GTF3C1: variants seen among roughly 807,000 people sequenced by gnomAD.
GTF3C1 encodes the protein general transcription factor 3C polypeptide 1.
In GTF3C1, 57 loss-of-function variants were observed where a neutral mutation model predicts 226.7. That is an observed-to-expected ratio of 0.25 (90% CI 0.20 to 0.31). The LOEUF is 0.31. Among genes scored for constraint, GTF3C1 ranks in the 10% least tolerant of loss-of-function variants. The pLI, the probability that GTF3C1 is intolerant of heterozygous loss-of-function variation, is 1.00. For synonymous variants in GTF3C1, 1,090 were observed against 1,084.8 expected (o/e 1.00, Z -0.09); for missense variants, 2,217 against 2,776.1 (o/e 0.80, Z 4.53).
chr16:27,462,320 G>A lies in GTF3C1; in HGVS notation c.6091C>T (p.Pro2031Ser), dbSNP rs1228818869. The A allele has an allele frequency of 6.4e-7, 1 of 1,559,722 alleles. No individual in the cohort carries two copies. Among genetic ancestry groups the A allele is most frequent in the Non-Finnish European group, 8.7e-7 (1 of 1,152,272 alleles). The change falls in exon 36 of 37, where the codon CCC becomes TCC. Residue 2031 changes from proline to serine, a missense_variant. Pro to Ser is a moderately conservative substitution (Grantham distance 74). Around this residue, in one of 12 missense-constraint regions of GTF3C1, gnomAD observed 153 missense variants for 199.8 expected, o/e 0.77. Coordinates refer to ENST00000356183, the MANE Select transcript of GTF3C1 (RefSeq NM_001520.4). This position sits in a 1 kb window ranked among gnomAD's most constrained non-coding sequence, Gnocchi z 4.5. The part of the protein sequence containing the change: ...LLRHYQGVLQ[P>S]VAVLELLQGL... ...TGGAGCAACTCCAGCACGGCGACGG[G>A]CTGCAGGACCCCCTGGTAGTGGCGC... is the stretch of plus-strand genomic sequence containing the variant.
rs1464345933 is a variant in GTF3C1 at position 27,469,974 on chromosome 16, C to G, written c.4814+134G>C. 3 of 745,532 alleles carry G rather than the reference C, an allele frequency of 4.0e-6. No individual in the cohort carries two copies. Among genetic ancestry groups the G allele is most frequent in the Non-Finnish European group, 4.5e-6 (2 of 440,364 alleles). 46.2% of individuals were successfully genotyped at this position (745,532 alleles called of 1,614,324 possible). ...AGCAGAGGACACCTTAGACACCGGC[C>G]TATAATCCCCAGTCACTCATCTGCA... On this transcript the variant is annotated intron_variant, in intron 31 of 36. Coordinates refer to ENST00000356183, the MANE Select transcript of GTF3C1 (RefSeq NM_001520.4). This position sits in a 1 kb window ranked among gnomAD's most constrained non-coding sequence, Gnocchi z 4.5.
chr16:27,494,422 A>AC (rs1037158736), intron 16 of GTF3C1, among the ~76,000 whole-genome samples: 2 of 150,432 alleles, frequency 1.3e-5, no homozygotes, highest in African/African-American at 4.9e-5. Context: ...ACAAAAAAAA[A>AC]AAACAAAAAA....
At position 27,461,597 on chromosome 16, in the gene GTF3C1, T is replaced by C. The variant is rs776650371; in HGVS notation, c.6118-35A>G. 13 of 1,426,588 alleles carry C rather than the reference T, an allele frequency of 9.1e-6. No homozygotes were observed. The highest frequency in any genetic ancestry group is 4.6e-5 in the South Asian group (4 of 87,384). The allele number at this position is 1,426,588 out of a possible 1,614,324, so 88.4% of individuals were successfully genotyped here. On this transcript the variant is annotated intron_variant, in intron 36 of 36. Transcript: ENST00000356183. The surrounding 1 kb of genome is among the most constrained non-coding windows in gnomAD (Gnocchi z 5.3). ...CCAGACACACAGGTTACAGCGGCAC[T>C]GCCCTCGCCTGCTTGTTGATTTATT...
intron 4 of GTF3C1, among the ~76,000 whole-genome samples, chr16:27,533,798 G>A (rs1387275392): frequency 1.3e-5 from 2 of 152,176 alleles, no homozygotes; most frequent in Non-Finnish European, 2.9e-5. Flanking sequence ...TGGAGGTCAG[G>A]AGTTCGAGGC....
chr16:27,501,320 C>G lies in GTF3C1; in HGVS notation c.1932G>C (p.Gln644His). Reference protein sequence around the residue: ...LFTIQKMIMDQEKQEGVSTKC... With the variant: ...LFTIQKMIMDHEKQEGVSTKC... ...TGGTGGACACGCCTTCCTGCTTCTC[C>G]TGATCCATGATCATCTTCTGAATCC... The change falls in exon 12 of 37, where the codon CAG (glutamine) becomes CAC (histidine). Residue 644 changes from glutamine to histidine, a missense_variant. Gln to His is a conservative substitution (Grantham distance 24). Coordinates refer to ENST00000356183, the MANE Select transcript of GTF3C1 (RefSeq NM_001520.4). The G allele has an allele frequency of 6.2e-7, 1 of 1,614,168 alleles. No individual in the cohort carries two copies. The highest frequency in any genetic ancestry group is 2.2e-5 in the East Asian group (1 of 44,890).
intron 4 of GTF3C1, among the ~76,000 whole-genome samples, chr16:27,537,089 G>A (rs762796209): frequency 7.2e-5 from 11 of 152,164 alleles, no homozygotes; most frequent in Non-Finnish European, 1.3e-4. Flanking sequence ...CATTGTTATC[G>A]CTTAGCAGAA....
intron 29 of GTF3C1, among the ~76,000 whole-genome samples, chr16:27,475,298 C>T (rs148517331): frequency 5.3e-5 from 8 of 152,290 alleles, no homozygotes; most frequent in African/African-American, 1.7e-4. Flanking sequence ...GACTGTGAGG[C>T]GCCCTAATGA....
In GTF3C1 at chr16:27,470,317, C is replaced by A. The variant is rs764913038; in HGVS notation, c.4605G>T (p.Lys1535Asn). ...AAGAGAAACGATCAGGCTGGTCCAA[C>A]TTGCCGGCAGCCCGCATTCTGTCCA... is the stretch of plus-strand genomic sequence containing the variant. ...QFLDRMRAAG[K>N]LDQPDRFSFK... Residue 1535 changes from lysine to asparagine, a missense_variant, in exon 31 of 37, where the codon AAG becomes AAT. Transcript: ENST00000356183. The surrounding 1 kb of genome is among the most constrained non-coding windows in gnomAD (Gnocchi z 4.9). 8.1e-6 allele frequency: 13 copies of A among 1,613,914 alleles called. No homozygotes were observed. The highest frequency in any genetic ancestry group is 1.1e-5 in the Non-Finnish European group (13 of 1,179,770).
In GTF3C1 at chr16:27,465,382, T is replaced by C; in HGVS notation, c.5233A>G (p.Ile1745Val). ...SPEDLTAALE[I>V]LEAIIATGCF... ...CCCGTGGCTATAATGGCTTCCAAGA[T>C]CTCCAAGGCAGCAGTCAGGTCTTCG... Residue 1745 changes from isoleucine to valine, a missense_variant, in exon 33 of 37, where the codon ATC becomes GTC. Ile to Val is a conservative substitution (Grantham distance 29, BLOSUM62 3). Around this residue, in one of 12 missense-constraint regions of GTF3C1, gnomAD observed 455 missense variants for 441.9 expected, o/e 1.03. Transcript: ENST00000356183. 2 of 1,614,006 alleles carry C rather than the reference T, an allele frequency of 1.2e-6. No individual in the cohort carries two copies. The highest frequency in any genetic ancestry group is 8.5e-7 in the Non-Finnish European group (1 of 1,179,950).
chr16:27,489,238 C>T lies in GTF3C1; in HGVS notation c.3294-60G>A. 1.3e-6 allele frequency: 2 copies of T among 1,581,716 alleles called. 1 individual carries two copies. The highest frequency in any genetic ancestry group is 3.4e-5 in the Admixed American group (2 of 58,996). The stretch of plus-strand genomic sequence containing the variant: ...CTTGGTCATCACCGAAAAAGAGAGC[C>T]CATGGCATGGGTTGAGGGACATTTA... On this transcript the variant is annotated intron_variant, in intron 20 of 36. Coordinates refer to ENST00000356183, the MANE Select transcript of GTF3C1 (RefSeq NM_001520.4).
chr16:27,507,204 C>A lies in GTF3C1; in HGVS notation c.1243-48G>T. ...ATCCCACTGCAAAGAGGGCGTCATA[C>A]CCACAGGGGTTCAGGTGGTCTGTGG... On this transcript the variant is annotated intron_variant, in intron 8 of 36. Coordinates refer to ENST00000356183, the MANE Select transcript of GTF3C1 (RefSeq NM_001520.4). This position sits in a 1 kb window ranked among gnomAD's most constrained non-coding sequence, Gnocchi z 4.9. 6 of 1,373,586 alleles carry A rather than the reference C, an allele frequency of 4.4e-6. No individual in the cohort carries two copies. Among genetic ancestry groups the A allele is most frequent in the Non-Finnish European group, 5.0e-6 (5 of 992,678 alleles). The allele number at this position is 1,373,586 out of a possible 1,614,324, so 85.1% of individuals were successfully genotyped here. A position where few individuals can be genotyped will look rare whatever the true frequency, so the allele number is the denominator to read the frequency against.
chr16:27,488,777 C>T (rs994789180), intron 21 of GTF3C1, 142 bp from the exon 22 acceptor site: 60 of 718,850 alleles, frequency 8.3e-5, no homozygotes, highest in East Asian at 5.3e-4. Context: ...TCCTGCCACC[C>T]GCTTTACCAT....
chr16:27,507,185 C>T lies in GTF3C1; in HGVS notation c.1243-29G>A. On this transcript the variant is annotated intron_variant, in intron 8 of 36. Coordinates refer to ENST00000356183, the MANE Select transcript of GTF3C1 (RefSeq NM_001520.4). This position sits in a 1 kb window ranked among gnomAD's most constrained non-coding sequence, Gnocchi z 4.9. ...GAGGGAATAAGATGTGTTTATCCCA[C>T]TGCAAAGAGGGCGTCATACCCACAG... The T allele has an allele frequency of 6.5e-7, 1 of 1,533,364 alleles. No individual in the cohort carries two copies. The highest frequency in any genetic ancestry group is 8.9e-7 in the Non-Finnish European group (1 of 1,124,808). 95.0% of individuals were successfully genotyped at this position (1,533,364 alleles called of 1,614,324 possible). A position where few individuals can be genotyped will look rare whatever the true frequency, so the allele number is the denominator to read the frequency against.
intron 27 of GTF3C1, among the ~76,000 whole-genome samples, chr16:27,479,971 C>T (rs968013810): frequency 2.6e-5 from 4 of 152,056 alleles, no homozygotes; most frequent in East Asian, 1.9e-4. Context: ...GAGGCTGAGA[C>T]GGGCAGATCA....
chr16:27,542,335 C>A (rs968492788), intron 2 of GTF3C1, among the ~76,000 whole-genome samples: 1 of 152,144 alleles, frequency 6.6e-6, no homozygotes, highest in Non-Finnish European at 1.5e-5. Context: ...CCAAGGTAGG[C>A]AGATCACCTG....
chr16:27,461,695 C>T lies in GTF3C1; in HGVS notation c.6118-133G>A. ...CAGAGCAGGGGGCACCTGAACTGGGCATGAGGCAGATGGGGATGTACCAGG... is the reference window on the plus strand; with the variant it reads ...CAGAGCAGGGGGCACCTGAACTGGGTATGAGGCAGATGGGGATGTACCAGG... On this transcript the variant is annotated intron_variant, in intron 36 of 36. Transcript: ENST00000356183. The surrounding 1 kb of genome is among the most constrained non-coding windows in gnomAD (Gnocchi z 5.3). 1 of 674,622 alleles carries T rather than the reference C, an allele frequency of 1.5e-6. No individual in the cohort carries two copies. Among genetic ancestry groups the T allele is most frequent in the Admixed American group, 2.4e-5 (1 of 42,120 alleles). 41.8% of individuals were successfully genotyped at this position (674,622 alleles called of 1,614,324 possible). A position where few individuals can be genotyped will look rare whatever the true frequency, so the allele number is the denominator to read the frequency against.
chr16:27,489,289 G>C lies in GTF3C1; in HGVS notation c.3294-111C>G, dbSNP rs573945710. On this transcript the variant is annotated intron_variant, in intron 20 of 36. Coordinates refer to ENST00000356183, the MANE Select transcript of GTF3C1 (RefSeq NM_001520.4). ...TTTATAACCAACTTTCACCTTTCCAGAAAAACACCCCACAGGTAGCAATGA... is the reference window on the plus strand; with the variant it reads ...TTTATAACCAACTTTCACCTTTCCACAAAAACACCCCACAGGTAGCAATGA... 14 of 1,202,706 alleles carry C rather than the reference G, an allele frequency of 1.2e-5. No homozygotes were observed. In the African/African-American group the frequency reaches 1.8e-4, roughly 16 times the overall value. The allele number at this position is 1,202,706 out of a possible 1,614,324, so 74.5% of individuals were successfully genotyped here. A position where few individuals can be genotyped will look rare whatever the true frequency, so the allele number is the denominator to read the frequency against.
intron 2 of GTF3C1, 44 bp downstream of exon 2, chr16:27,545,270 C>T (rs2089146392): frequency 2.8e-6 from 4 of 1,410,440 alleles, no homozygotes; most frequent in African/African-American, 2.8e-5. Context: ...AGCCACCGTA[C>T]CCGGCCAGAT....
rs770105315 is a variant in GTF3C1, at chr16:27,478,851, C to CA, written c.4197-321dup. Among the ~76,000 whole-genome samples, 663 of 80,314 alleles carry CA rather than the reference C, an allele frequency of 8.3e-3. 13 individuals are homozygous for CA. The highest frequency in any genetic ancestry group is 0.077 in the East Asian group (237 of 3,076). 52.7% of individuals were successfully genotyped at this position (80,314 alleles called of 152,430 possible). On this transcript the variant is annotated intron_variant, in intron 27 of 36. Coordinates refer to ENST00000356183, the MANE Select transcript of GTF3C1 (RefSeq NM_001520.4). ...CTAAAACTGTGGGTGTGTTACAATC[C>CA]AAAAAAAAAAAAAAAGCACAAGAAG...
Sources: allele counts gnomAD v4.1 joint callset (sites outside exome capture counted in the v4.1 genomes callset), GRCh38; gene constraint gnomAD v4.1.1; regional missense constraint gnomAD v4.1.1; non-coding constraint Gnocchi (gnomAD v3.1); transcripts MANE v1.5; gene names NCBI Gene and HGNC (gene_info 2026-07-23, HGNC 2026-07-21).